The following KAZN variants were observed in gnomAD, a reference collection of about 807,000 sequenced individuals.
The protein encoded by KAZN is kazrin.
Under a neutral mutation model 87.4 loss-of-function variants are expected in KAZN, and 40 were observed. That is an observed-to-expected ratio of 0.46 (90% CI 0.36 to 0.60). The LOEUF is 0.60. Among genes scored for constraint, KAZN ranks in the 20% least tolerant of loss-of-function variants. The pLI, the probability that KAZN is intolerant of heterozygous loss-of-function variation, is 0.00. For synonymous variants in KAZN, 466 were observed against 458.3 expected, an observed-to-expected ratio of 1.02 and a Z score of -0.22; for missense variants, 898 against 1,073.9, an observed-to-expected ratio of 0.84 and a Z score of 2.29.
At chr1:14,498,896 GCCTGGGGA>G (rs1158398297) in intron 2 of KAZN, among the ~76,000 whole-genome samples, 1 of 151,836 alleles carries the variant, frequency 6.6e-6, no homozygotes, top group African/African-American at 2.4e-5. Flanking sequence ...TCCTGTTCAG[GCCTGGGGA>G]CCTGGGGACA....
intron 1 of KAZN, among the ~76,000 whole-genome samples, chr1:14,627,557 C>T (rs549393713): frequency 3.3e-5 from 5 of 152,178 alleles, no homozygotes; most frequent in Admixed American, 6.5e-5. Flanking sequence ...CTTCCTGCTG[C>T]GCTGTAAGCT....
chr1:15,117,838 G>A lies in KAZN; in HGVS notation c.*3203G>A, dbSNP rs538390228. 5 of 152,372 alleles carry A rather than the reference G, an allele frequency of 3.3e-5. No individual in the cohort carries two copies. Among genetic ancestry groups the A allele is most frequent in the African/African-American group, 9.6e-5 (4 of 41,574 alleles). The allele number at this position is 152,372 out of a possible 1,614,324, so 9.4% of individuals were successfully genotyped here. On this transcript the variant is annotated 3_prime_UTR_variant, in exon 15 of 15. Coordinates refer to ENST00000376030, the MANE Select transcript of KAZN (RefSeq NM_201628.3). ...AAAGGAAAGGAGAAGAAAGCCTGTGGGCAATGGCAACCTCTGAGTCTGGCA... is the reference window on the plus strand; with the variant it reads ...AAAGGAAAGGAGAAGAAAGCCTGTGAGCAATGGCAACCTCTGAGTCTGGCA...
At chr1:15,036,984 C>T (rs1346084299) in intron 3 of KAZN, among the ~76,000 whole-genome samples, 2 of 152,212 alleles carry the variant, frequency 1.3e-5, no homozygotes, top group South Asian at 4.1e-4. Flanking sequence ...CTTACAGGGC[C>T]TGGGTCCAGA....
chr1:14,016,897 A>AT (rs1235302206), intron 1 of KAZN, among the ~76,000 whole-genome samples: 1 of 152,090 alleles, frequency 6.6e-6, no homozygotes, highest in Admixed American at 6.5e-5. Context: ...TGCATTTGGG[A>AT]TTTTTACTTT....
intron 1 of KAZN, among the ~76,000 whole-genome samples, chr1:14,779,352 T>C (rs534403198): frequency 4.0e-4 from 60 of 151,356 alleles, no homozygotes; most frequent in African/African-American, 1.4e-3. Flanking sequence ...GGCTTCCCTC[T>C]GGGGCTTTTC....
At chr1:14,457,073 C>T (rs999408823) in intron 2 of KAZN, among the ~76,000 whole-genome samples, 2 of 152,144 alleles carry the variant, frequency 1.3e-5, no homozygotes, top group African/African-American at 4.8e-5. Flanking sequence ...GAGCGAGACT[C>T]TATCTCAAAA....
intron 2 of KAZN, among the ~76,000 whole-genome samples, chr1:14,341,997 A>G (rs1290124076): frequency 1.3e-5 from 2 of 151,970 alleles, no homozygotes; most frequent in Admixed American, 6.6e-5. Context: ...CTACCCTTCA[A>G]TCGGCCCCAG....
Position 14,629,531 on chromosome 1 carries a change from G to A in KAZN, c.226+30308G>A, listed in dbSNP as rs146819961. Among the ~76,000 whole-genome samples the A allele has an allele frequency of 9.5e-4, 144 of 152,316 alleles. 2 individuals carry two copies. Among genetic ancestry groups the A allele is most frequent in the African/African-American group, 3.4e-3 (140 of 41,580 alleles). On this transcript the variant is annotated intron_variant, in intron 1 of 14. Coordinates refer to ENST00000376030, the MANE Select transcript of KAZN (RefSeq NM_201628.3). ...CGGCCCATGCAGCAACTCGGGTGAG[G>A]TGGCCACGCCCTGCCTCTTCTTTGC...
At chr1:14,904,724 G>C (rs889870252) in intron 1 of KAZN, among the ~76,000 whole-genome samples, 1 of 152,208 alleles carries the variant, frequency 6.6e-6, no homozygotes, top group Non-Finnish European at 1.5e-5. Context: ...GCTCTTCTCT[G>C]TGGGGCAGGA....
intron 2 of KAZN, among the ~76,000 whole-genome samples, chr1:14,399,377 G>T (rs1663186656): frequency 6.6e-6 from 1 of 152,066 alleles, no homozygotes; most frequent in South Asian, 2.1e-4. Flanking sequence ...TAATCTATTT[G>T]CTGCTTACCA....
At chr1:14,283,838 C>G (rs550721116) in intron 2 of KAZN, among the ~76,000 whole-genome samples, 1 of 151,992 alleles carries the variant, frequency 6.6e-6, no homozygotes, top group Admixed American at 6.6e-5. Context: ...TTATAGGCAA[C>G]GAGTGGAAAC....
chr1:14,861,719 G>A (rs1455524712), intron 1 of KAZN, among the ~76,000 whole-genome samples: 1 of 152,132 alleles, frequency 6.6e-6, no homozygotes, highest in African/African-American at 2.4e-5. Context: ...TGCAAGGTAG[G>A]CACTTGACCC....
At chr1:14,418,243 T>C (rs1235308606) in intron 2 of KAZN, among the ~76,000 whole-genome samples, 1 of 152,048 alleles carries the variant, frequency 6.6e-6, no homozygotes, top group East Asian at 1.9e-4. Context: ...AGTTCAGATT[T>C]TTAACTCCAC....
chr1:14,978,579 G>C (rs897358565), intron 2 of KAZN, among the ~76,000 whole-genome samples: 4 of 152,166 alleles, frequency 2.6e-5, no homozygotes, highest in African/African-American at 9.7e-5. Context: ...CTCTTAATCT[G>C]ATAGAGGTTC....
intron 1 of KAZN, among the ~76,000 whole-genome samples, chr1:14,638,274 A>G (rs1399012059): frequency 2.0e-5 from 3 of 152,052 alleles, no homozygotes; most frequent in Admixed American, 2.0e-4. Flanking sequence ...CGTGCGCAAA[A>G]AATAACTGGG....
chr1:14,199,352 G>A (rs1646592941), intron 2 of KAZN, among the ~76,000 whole-genome samples: 1 of 152,074 alleles, frequency 6.6e-6, no homozygotes. Context: ...GTGAGTAGAC[G>A]GCTCTCTGTC....
At chr1:15,088,080 T>C (rs1307084617) in intron 8 of KAZN, among the ~76,000 whole-genome samples, 1 of 152,204 alleles carries the variant, frequency 6.6e-6, no homozygotes, top group African/African-American at 2.4e-5. Context: ...CTCTATGTGG[T>C]CTTTTGCACC....
At chr1:15,067,646 G>A (rs1028359995) in intron 8 of KAZN, 6 of 985,302 alleles carry the variant, frequency 6.1e-6, no homozygotes, top group African/African-American at 1.7e-5. Flanking sequence ...GAAGGCATAG[G>A]ACATTGTGTC....
intron 2 of KAZN, among the ~76,000 whole-genome samples, chr1:14,511,593 T>C (rs78244353): frequency 0.028 from 4,192 of 152,314 alleles, 85 homozygotes; most frequent in Middle Eastern, 0.048. Flanking sequence ...AGAATTATTT[T>C]GGCAAGAAAT....
Sources: allele counts gnomAD v4.1 joint callset (sites outside exome capture counted in the v4.1 genomes callset), GRCh38; gene constraint gnomAD v4.1.1; transcripts MANE v1.5; gene names NCBI Gene and HGNC (gene_info 2026-07-23, HGNC 2026-07-21).